The following GMDS variants were observed in gnomAD, a reference collection of about 807,000 sequenced individuals.
The protein encoded by GMDS is GDP-mannose 4,6-dehydratase, also known as GDP-mannose 4,6 dehydratase.
In GMDS, 20 loss-of-function variants were observed where a neutral mutation model predicts 49.9. The ratio of observed to expected loss-of-function variants is 0.40; its 90% confidence interval spans 0.28 to 0.58. The LOEUF is 0.58. Among genes scored for constraint, GMDS ranks in the 20% least tolerant of loss-of-function variants. The probability of loss-of-function intolerance (pLI) is 0.42; values close to 1 mark genes in which losing one functional copy is unlikely to be tolerated. For missense variants in GMDS, 362 were observed against 481.4 expected (o/e 0.75, Z 2.32); for synonymous variants, 177 against 178.6 (o/e 0.99, Z 0.07).
intron 9 of GMDS, among the ~76,000 whole-genome samples, chr6:1,674,206 T>G (rs1474033512): frequency 6.6e-6 from 1 of 152,118 alleles, no homozygotes; most frequent in African/African-American, 2.4e-5. Context: ...ATTCTAATGT[T>G]TTGCCATTCT....
chr6:1,626,604 A>G (rs1309516757), intron 9 of GMDS, among the ~76,000 whole-genome samples: 1 of 152,176 alleles, frequency 6.6e-6, no homozygotes, highest in Non-Finnish European at 1.5e-5. Context: ...TCAATCCTAT[A>G]GCGGCTAGAC....
chr6:1,741,101 T>G (rs9378654), intron 8 of GMDS, among the ~76,000 whole-genome samples: 1 of 152,130 alleles, frequency 6.6e-6, no homozygotes, highest in Non-Finnish European at 1.5e-5. Flanking sequence ...TTTTGATATT[T>G]TGACACATGT....
At chr6:2,163,668 T>TAACA (rs1251789289) in intron 1 of GMDS, among the ~76,000 whole-genome samples, 2 of 152,192 alleles carry the variant, frequency 1.3e-5, no homozygotes, top group Non-Finnish European at 2.9e-5. Context: ...GAGTTCTTAC[T>TAACA]TGTTAAGAGG....
rs371053124 is a variant in GMDS at position 2,091,576 on chromosome 6, C to G, written c.345+24195G>C. On this transcript the variant is annotated intron_variant, in intron 4 of 10. Coordinates refer to ENST00000380815, the MANE Select transcript of GMDS (RefSeq NM_001500.4). ...CACACCTAGTATAAGATGCTTAATT[C>G]TGAGCATTATACCTTAAGAAGGATA... Among the ~76,000 whole-genome samples, 3 of 152,202 alleles carry G rather than the reference C, an allele frequency of 2.0e-5. No individual in the cohort carries two copies. The South Asian group carries it at 6.2e-4, about 32-fold the overall frequency.
chr6:2,215,705 G>C (rs978494796), intron 1 of GMDS, among the ~76,000 whole-genome samples: 1 of 151,270 alleles, frequency 6.6e-6, no homozygotes, highest in Non-Finnish European at 1.5e-5. Context: ...GGGAAAGGAG[G>C]TAATTAAAGA....
intron 4 of GMDS, among the ~76,000 whole-genome samples, chr6:1,981,228 C>A (rs753246319): frequency 6.9e-6 from 1 of 144,466 alleles, no homozygotes; most frequent in African/African-American, 2.7e-5. Context: ...ATGAAAAAAC[C>A]TGCAAAAAAA....
intron 9 of GMDS, among the ~76,000 whole-genome samples, chr6:1,631,962 C>A (rs1402149579): frequency 6.6e-6 from 1 of 152,222 alleles, no homozygotes; most frequent in East Asian, 1.9e-4. Flanking sequence ...TACTATAATT[C>A]TGTTATCACT....
chr6:1,681,313 C>T (rs762263162), intron 9 of GMDS, among the ~76,000 whole-genome samples: 24 of 152,138 alleles, frequency 1.6e-4, no homozygotes, highest in South Asian at 1.4e-3. Context: ...TGCTTGGCTG[C>T]CATGGGTGAC....
chr6:1,734,074 G>A (rs550660134), intron 8 of GMDS, among the ~76,000 whole-genome samples: 3 of 152,146 alleles, frequency 2.0e-5, no homozygotes, highest in South Asian at 2.1e-4. Context: ...AAAATACAGC[G>A]CTAGTGTAAA....
At position 1,668,729 on chromosome 6, in the gene GMDS, A is replaced by C. The variant is rs77755301; in HGVS notation, c.988-44189T>G. Among the ~76,000 whole-genome samples, 105 of 152,304 alleles carry C rather than the reference A, an allele frequency of 6.9e-4. 1 individual carries two copies. The highest frequency in any genetic ancestry group is 1.1e-3 in the Non-Finnish European group (73 of 68,022). On this transcript the variant is annotated intron_variant, in intron 9 of 10. Transcript: ENST00000380815. ...CTAAACAAACAAACAAACAAACAAA[A>C]AAAACCACTGGGAATAAAAAGGAGC...
chr6:2,171,865 T>C (rs1778023050), intron 1 of GMDS, among the ~76,000 whole-genome samples: 1 of 151,788 alleles, frequency 6.6e-6, no homozygotes, highest in African/African-American at 2.4e-5. Flanking sequence ...ATGAACAAAA[T>C]AAGGAAGGAA....
chr6:1,638,987 C>T lies in GMDS; in HGVS notation c.988-14447G>A, dbSNP rs898241964. Among the ~76,000 whole-genome samples the T allele has an allele frequency of 7.9e-5, 12 of 152,294 alleles. No individual in the cohort carries two copies. The East Asian group carries it at 1.4e-3, about 17-fold the overall frequency. On this transcript the variant is annotated intron_variant, in intron 9 of 10. Transcript: ENST00000380815. Reference sequence around the variant, plus strand: ...TTCTTATTCCATCCTGGCCAACATTCGTTCATACATGCAGTCAGCCCAGAA... The same window carrying T: ...TTCTTATTCCATCCTGGCCAACATTTGTTCATACATGCAGTCAGCCCAGAA...
intron 7 of GMDS, among the ~76,000 whole-genome samples, chr6:1,756,263 T>TG (rs1284018049): frequency 6.7e-6 from 1 of 149,966 alleles, no homozygotes; most frequent in African/African-American, 2.5e-5. Context: ...CCTTTTGTTC[T>TG]GGTTTTTTTT....
chr6:2,001,034 G>T (rs1766785552), intron 4 of GMDS, among the ~76,000 whole-genome samples: 2 of 152,130 alleles, frequency 1.3e-5, no homozygotes, highest in African/African-American at 4.8e-5. Context: ...TCATCAAGTG[G>T]TAGTTCTACG....
chr6:2,187,060 GT>G (rs1366948203), intron 1 of GMDS, among the ~76,000 whole-genome samples: 1 of 152,012 alleles, frequency 6.6e-6, no homozygotes, highest in Non-Finnish European at 1.5e-5. Context: ...CCTCTATATT[GT>G]GTATATTGTA....
chr6:1,810,121 C>T (rs1022070453), intron 7 of GMDS, among the ~76,000 whole-genome samples: 6 of 152,066 alleles, frequency 3.9e-5, no homozygotes, highest in Non-Finnish European at 7.4e-5. Flanking sequence ...CCCTGCCCTC[C>T]CCTAGAGGAG....
intron 7 of GMDS, among the ~76,000 whole-genome samples, chr6:1,870,382 C>T (rs1581278639): frequency 6.6e-6 from 1 of 152,124 alleles, no homozygotes; most frequent in African/African-American, 2.4e-5. Flanking sequence ...GAAGATACGC[C>T]CAACCCTTAG....
intron 1 of GMDS, among the ~76,000 whole-genome samples, chr6:2,175,768 A>T (rs1778253802): frequency 6.6e-6 from 1 of 152,230 alleles, no homozygotes; most frequent in African/African-American, 2.4e-5. Context: ...ATTAACAATA[A>T]GAGTAATTAT....
intron 1 of GMDS, among the ~76,000 whole-genome samples, chr6:2,208,368 T>C (rs1483852283): frequency 6.6e-6 from 1 of 152,224 alleles, no homozygotes; most frequent in Non-Finnish European, 1.5e-5. Context: ...TATTCCGTTT[T>C]ACAGATGACA....
Sources: allele counts gnomAD v4.1 joint callset (sites outside exome capture counted in the v4.1 genomes callset), GRCh38; gene constraint gnomAD v4.1.1; transcripts MANE v1.5; gene names NCBI Gene and HGNC (gene_info 2026-07-23, HGNC 2026-07-21).